The following TRIM33 variants were observed in gnomAD, a reference collection of about 807,000 sequenced individuals.
TRIM33 encodes the protein tripartite motif containing 33.
TRIM33 carries 20 observed loss-of-function variants against 125.4 expected under a neutral mutation model. That is an observed-to-expected ratio of 0.16 (90% CI 0.11 to 0.23). The LOEUF (loss-of-function observed/expected upper bound fraction) is 0.23, where lower values mean the gene tolerates loss of function less well. Ranked by LOEUF, TRIM33 falls within the 10% of genes least tolerant of loss-of-function variation. The pLI, the probability that TRIM33 is intolerant of heterozygous loss-of-function variation, is 1.00. For missense variants in TRIM33, 920 were observed against 1,411.4 expected (o/e 0.65, Z 5.58); for synonymous variants, 564 against 513.9 (o/e 1.10, Z -1.32).
At position 114,394,697 on chromosome 1, in the gene TRIM33, G is replaced by C; in HGVS notation, c.*2951C>G. 1 of 201,536 alleles carries C rather than the reference G, an allele frequency of 5.0e-6. No individual in the cohort carries two copies. The highest frequency in any genetic ancestry group is 1.0e-5 in the Non-Finnish European group (1 of 97,798). 12.5% of individuals were successfully genotyped at this position (201,536 alleles called of 1,614,324 possible). ...TATCATTTCTCTGTAGTAATGGTTT[G>C]ATGTTTCCATATAGAGCACGACCTA... On this transcript the variant is annotated 3_prime_UTR_variant, in exon 20 of 20. Coordinates refer to ENST00000358465, the MANE Select transcript of TRIM33 (RefSeq NM_015906.4).
chr1:114,480,244 G>T (rs1351949989), intron 1 of TRIM33, among the ~76,000 whole-genome samples: 1 of 152,076 alleles, frequency 6.6e-6, no homozygotes, highest in Admixed American at 6.5e-5. Flanking sequence ...TAAGGGCGGT[G>T]CAAGATGTGC....
intron 10 of TRIM33, among the ~76,000 whole-genome samples, chr1:114,424,328 T>C (rs1647407439): frequency 6.6e-6 from 1 of 152,198 alleles, no homozygotes. Flanking sequence ...CATTAGATTT[T>C]TTTCACTTCT....
chr1:114,480,197 T>C (rs921704151), intron 1 of TRIM33, among the ~76,000 whole-genome samples: 14 of 152,098 alleles, frequency 9.2e-5, no homozygotes, highest in African/African-American at 3.4e-4. Flanking sequence ...CTGTGCTCTC[T>C]GAAACATGTG....
intron 1 of TRIM33, among the ~76,000 whole-genome samples, chr1:114,491,028 A>G (rs1055886100): frequency 3.3e-5 from 5 of 152,174 alleles, no homozygotes; most frequent in African/African-American, 9.7e-5. Flanking sequence ...TAAGTGAGTA[A>G]TAACTGCTAA....
intron 17 of TRIM33, among the ~76,000 whole-genome samples, chr1:114,401,137 T>C (rs1183467255): frequency 2.0e-5 from 3 of 151,452 alleles, no homozygotes; most frequent in East Asian, 2.0e-4. Flanking sequence ...CCCGGGTTCA[T>C]GCCATTCTCC....
chr1:114,412,721 A>C (rs183922191), intron 11 of TRIM33, among the ~76,000 whole-genome samples: 112 of 152,270 alleles, frequency 7.4e-4, no homozygotes, highest in African/African-American at 2.6e-3. Context: ...CTATTCTATT[A>C]TATGAACACA....
Position 114,407,010 on chromosome 1 carries a change from A to G in TRIM33, c.2349T>C (p.Asp783=). 6.8e-6 allele frequency: 11 copies of G among 1,614,042 alleles called. No homozygotes were observed. Among genetic ancestry groups the G allele is most frequent in the Non-Finnish European group, 9.3e-6 (11 of 1,179,936 alleles). The stretch of plus-strand genomic sequence containing the variant: ...CACCTCCTGAAAAGCTACATATTTC[A>G]TCTTCAGTCCCAGGTTCTTGCTTGA... ...VKVKQEPGTE[D]EICSFSGGVK... is the part of the protein sequence containing the mutation. The change falls in exon 14 of 20, where the codon GAT becomes GAC. Residue 783 remains aspartate (D), a synonymous_variant. Transcript: ENST00000358465.
At chr1:114,488,496 G>A (rs778558157) in intron 1 of TRIM33, among the ~76,000 whole-genome samples, 1 of 152,170 alleles carries the variant, frequency 6.6e-6, no homozygotes, top group Non-Finnish European at 1.5e-5. Context: ...AGGCACAGTG[G>A]CTCACACCTG....
chr1:114,433,637 T>G lies in TRIM33; in HGVS notation c.1020A>C (p.Ala340=), dbSNP rs768553432. 18 of 1,609,666 alleles carry G rather than the reference T, an allele frequency of 1.1e-5. No homozygotes were observed. Among genetic ancestry groups the G allele is most frequent in the Non-Finnish European group, 1.5e-5 (18 of 1,177,710 alleles). ...LLEKKNYVHF[A]ATQVQNRIKE... ...CTTACCTATTCTGCACCTGAGTAGC[T>G]GCAAAATGAACATAATTCTTCTTCT... The change falls in exon 5 of 20, where the codon GCA becomes GCC. Residue 340 remains alanine (A), a synonymous_variant. Coordinates refer to ENST00000358465, the MANE Select transcript of TRIM33 (RefSeq NM_015906.4).
chr1:114,421,341 G>A, intron 11 of TRIM33, 95 bp downstream of exon 11: 2 of 1,161,878 alleles, frequency 1.7e-6, no homozygotes, highest in Non-Finnish European at 2.5e-6. Context: ...AGGAAATGTT[G>A]ATCCTGAATT....
chr1:114,397,592 T>TTG lies in TRIM33; in HGVS notation c.*55_*56insCA, dbSNP rs200993921. 0.012 allele frequency: 12,677 copies of TTG among 1,026,070 alleles called. 7 individuals carry two copies. Among genetic ancestry groups the TTG allele is most frequent in the South Asian group, 0.017 (1,110 of 64,862 alleles). 63.6% of individuals were successfully genotyped at this position (1,026,070 alleles called of 1,614,324 possible). A position where few individuals can be genotyped will look rare whatever the true frequency, so the allele number is the denominator to read the frequency against. On this transcript the variant is annotated 3_prime_UTR_variant, in exon 20 of 20. Transcript: ENST00000358465. ...AAAAGTTTTCTGGGTTTTTTGTGTTTTTTTTTTTTTTTTCGTTTTTTTTTT... is the reference window on the plus strand; with the variant it reads ...AAAAGTTTTCTGGGTTTTTTGTGTTTTGTTTTTTTTTTTTTCGTTTTTTTTTT...
At chr1:114,451,595 C>A (rs1572069978) in intron 4 of TRIM33, among the ~76,000 whole-genome samples, 1 of 151,388 alleles carries the variant, frequency 6.6e-6, no homozygotes, top group East Asian at 1.9e-4. Context: ...ACTTCTAAAG[C>A]CATAAAGTAA....
At chr1:114,463,071 G>A (rs760722262) in intron 4 of TRIM33, 33 bp downstream of exon 4, 3 of 1,532,700 alleles carry the variant, frequency 2.0e-6, no homozygotes. Flanking sequence ...ACTTTTTATA[G>A]TATTTCCTGG....
intron 4 of TRIM33, among the ~76,000 whole-genome samples, chr1:114,446,697 A>G (rs1254247388): frequency 6.6e-6 from 1 of 152,200 alleles, no homozygotes; most frequent in Non-Finnish European, 1.5e-5. Flanking sequence ...CAAATACTAA[A>G]TGGTAGATTT....
chr1:114,449,115 A>C (rs903306099), intron 4 of TRIM33, among the ~76,000 whole-genome samples: 1 of 152,156 alleles, frequency 6.6e-6, no homozygotes, highest in Non-Finnish European at 1.5e-5. Flanking sequence ...GGGTGATGAC[A>C]TGAAATTAAA....
chr1:114,397,453 C>T lies in TRIM33; in HGVS notation c.*195G>A, dbSNP rs1018634761. 11 of 557,340 alleles carry T rather than the reference C, an allele frequency of 2.0e-5. No individual in the cohort carries two copies. Among genetic ancestry groups the T allele is most frequent in the South Asian group, 2.6e-5 (1 of 39,104 alleles). The allele number at this position is 557,340 out of a possible 1,614,324, so 34.5% of individuals were successfully genotyped here. On this transcript the variant is annotated 3_prime_UTR_variant, in exon 20 of 20. Transcript: ENST00000358465. ...TGAAACTTGCAAACAGACTTCTCTC[C>T]CCCTTTCTTGACAAGAATGTGTTTC...
chr1:114,463,373 A>T (rs1268128238), intron 3 of TRIM33, 39 bp downstream of exon 3: 2 of 1,590,366 alleles, frequency 1.3e-6, no homozygotes, highest in Non-Finnish European at 1.7e-6. Context: ...AAGGAGGTTA[A>T]CTGTAATCAT....
intron 4 of TRIM33, among the ~76,000 whole-genome samples, chr1:114,442,822 G>A (rs1325184816): frequency 6.6e-6 from 1 of 151,470 alleles, no homozygotes; most frequent in African/African-American, 2.4e-5. Context: ...TGATTTACCA[G>A]TATTCTTAAA....
chr1:114,413,255 T>C (rs1470197699), intron 11 of TRIM33, among the ~76,000 whole-genome samples: 1 of 151,978 alleles, frequency 6.6e-6, no homozygotes, highest in Admixed American at 6.6e-5. Context: ...CTCTAAGAAC[T>C]GACATGAAAA....
Sources: allele counts gnomAD v4.1 joint callset (sites outside exome capture counted in the v4.1 genomes callset), GRCh38; gene constraint gnomAD v4.1.1; transcripts MANE v1.5; gene names NCBI Gene and HGNC (gene_info 2026-07-23, HGNC 2026-07-21).